Variants in WNT5A observed in about 807,000 individuals in gnomAD.
WNT5A encodes protein Wnt-5a.
In WNT5A, 9 loss-of-function variants were observed where a neutral mutation model predicts 42.1. The ratio of observed to expected loss-of-function variants is 0.21; its 90% CI spans 0.13 to 0.37. WNT5A has a LOEUF of 0.37. Ranked by LOEUF, WNT5A falls within the 10% of genes least tolerant of loss-of-function variation. The probability of loss-of-function intolerance (pLI) is 1.00; values close to 1 mark genes in which losing one functional copy is unlikely to be tolerated. For synonymous variants in WNT5A, 210 were observed against 210.0 expected (o/e 1.00, Z 0.00); for missense variants, 426 against 534.0 (o/e 0.80, Z 1.99).
chr3:55,500,703 T>C, the WNT5A span, among the ~76,000 whole-genome samples: 1 of 152,230 alleles, frequency 6.6e-6, no homozygotes, highest in African/African-American at 2.4e-5. Context: ...CATGAAATCA[T>C]AGTTACTTCC....
chr3:55,482,274 C>T (rs1559557948), intron 1 of WNT5A, among the ~76,000 whole-genome samples: 1 of 152,216 alleles, frequency 6.6e-6, no homozygotes, highest in East Asian at 1.9e-4. Flanking sequence ...GCTTCCGCTG[C>T]CGTTCCTCCC....
At chr3:55,475,722 T>A (rs675575) in intron 3 of WNT5A, among the ~76,000 whole-genome samples, 80,593 of 152,036 alleles carry the variant, frequency 0.53, 22,036 homozygotes, top group African/African-American at 0.66. Flanking sequence ...GGGAGAAGTT[T>A]TCTTCTTCCC....
upstream of WNT5A, among the ~76,000 whole-genome samples, chr3:55,492,086 G>A (rs774739472): frequency 1.3e-5 from 2 of 152,166 alleles, no homozygotes; most frequent in Non-Finnish European, 2.9e-5. Context: ...CACTCACTAT[G>A]CCCTCCTAAC....
At chr3:55,497,888 G>A in the WNT5A span, among the ~76,000 whole-genome samples, 1 of 152,188 alleles carries the variant, frequency 6.6e-6, no homozygotes, top group Non-Finnish European at 1.5e-5. Context: ...GAATTAGGAA[G>A]AAAGAAAGGT....
chr3:55,486,999 G>C lies in WNT5A; in HGVS notation c.-14C>G, dbSNP rs781134677. On this transcript the variant is annotated 5_prime_UTR_variant, in exon 1 of 5. Coordinates refer to ENST00000264634, the MANE Select transcript of WNT5A (RefSeq NM_003392.7). Reference sequence around the variant, plus strand: ...ACCTACCTTCATGGCGAGGGGGAGGGGGCGCGGGGAGGAAGTCGCCACCCG... The same window carrying C: ...ACCTACCTTCATGGCGAGGGGGAGGCGGCGCGGGGAGGAAGTCGCCACCCG... 6.2e-7 allele frequency: 1 copy of C among 1,611,608 alleles called. No individual in the cohort carries two copies. Among genetic ancestry groups the C allele is most frequent in the Non-Finnish European group, 8.5e-7 (1 of 1,178,864 alleles).
upstream of WNT5A, chr3:55,488,005 G>C (rs997956723): frequency 3.3e-5 from 5 of 152,258 alleles, no homozygotes; most frequent in Non-Finnish European, 4.4e-5. Flanking sequence ...AGGGCGAAGA[G>C]CAGCGAGTGC....
rs761899029 is a variant in WNT5A at position 55,487,008 on chromosome 3, G to A, written c.-23C>T. ...CATGGCGAGGGGGAGGGGGCGCGGG[G>A]AGGAAGTCGCCACCCGAGCGAGCGC... On this transcript the variant is annotated 5_prime_UTR_variant, in exon 1 of 5. Transcript: ENST00000264634. The A allele has an allele frequency of 3.0e-5, 49 of 1,610,620 alleles. No homozygotes were observed. The South Asian group carries it at 4.6e-4, about 15-fold the overall frequency.
At chr3:55,488,955 T>C (rs866957777), upstream of WNT5A, among the ~76,000 whole-genome samples, 1 of 152,090 alleles carries the variant, frequency 6.6e-6, no homozygotes, top group African/African-American at 2.4e-5. Flanking sequence ...CCCAGAGTAG[T>C]AGGGACTTGG....
chr3:55,486,463 G>A (rs981643304), intron 1 of WNT5A, among the ~76,000 whole-genome samples: 12 of 152,364 alleles, frequency 7.9e-5, no homozygotes, highest in Non-Finnish European at 1.5e-4. Flanking sequence ...GTGCGGGGGG[G>A]TGTCGGGGAA....
chr3:55,504,625 C>T, the WNT5A span, among the ~76,000 whole-genome samples: 25,824 of 152,074 alleles, frequency 0.17, 2,369 homozygotes, highest in Non-Finnish European at 0.19. Flanking sequence ...CCACCATACC[C>T]GGCTCATTTT....
chr3:55,477,942 A>G (rs1019838737), intron 3 of WNT5A, among the ~76,000 whole-genome samples: 23 of 152,154 alleles, frequency 1.5e-4, no homozygotes, highest in Admixed American at 3.9e-4. Context: ...AAGAAGGGGG[A>G]AAAGTTACCA....
chr3:55,504,694 C>T, the WNT5A span, among the ~76,000 whole-genome samples: 1 of 152,162 alleles, frequency 6.6e-6, no homozygotes, highest in African/African-American at 2.4e-5. Flanking sequence ...AAACTCCCAA[C>T]CTCAGGTGAT....
chr3:55,481,406 C>A (rs914619040), intron 1 of WNT5A: 2 of 985,320 alleles, frequency 2.0e-6, no homozygotes, highest in Non-Finnish European at 2.4e-6. Context: ...AGCGCGCTGC[C>A]GCCAGAGGCT....
chr3:55,500,758 A>C, the WNT5A span, among the ~76,000 whole-genome samples: 13 of 152,366 alleles, frequency 8.5e-5, no homozygotes, highest in East Asian at 2.5e-3. Flanking sequence ...AGCCTGGTTT[A>C]CCACAGGAGT....
rs1300474110 is a variant in WNT5A, at chr3:55,483,856, GAA to G, written c.7-2940_7-2939del. On this transcript the variant is annotated intron_variant, in intron 1 of 4. Coordinates refer to ENST00000264634, the MANE Select transcript of WNT5A (RefSeq NM_003392.7). The surrounding 1 kb of genome is among the most constrained non-coding windows in gnomAD (Gnocchi z 4.2). ...AGGCGTGATGAGGGATGAGGGAGAG[GAA>G]ACCTCAGTAGCAAAATTGTTCAGAG... Among the ~76,000 whole-genome samples, 1 of 152,158 alleles carries G rather than the reference GAA, an allele frequency of 6.6e-6. No individual in the cohort carries two copies. Among genetic ancestry groups the G allele is most frequent in the Non-Finnish European group, 1.5e-5 (1 of 68,036 alleles).
intron 3 of WNT5A, among the ~76,000 whole-genome samples, chr3:55,475,548 C>T (rs2051341380): frequency 6.6e-6 from 1 of 152,142 alleles, no homozygotes; most frequent in Non-Finnish European, 1.5e-5. Context: ...GCTCATTGGC[C>T]TGATACTTCT....
Position 55,486,028 on chromosome 3 carries a change from T to C in WNT5A, c.6+952A>G, listed in dbSNP as rs138302904. ...AAAAATTGTTTAGAAAATAAAAACTTATGTTGCAGGAAGAAACGTTAACTT... is the reference window on the plus strand; with the variant it reads ...AAAAATTGTTTAGAAAATAAAAACTCATGTTGCAGGAAGAAACGTTAACTT... On this transcript the variant is annotated intron_variant, in intron 1 of 4. Transcript: ENST00000264634. Among the ~76,000 whole-genome samples, 662 of 152,278 alleles carry C rather than the reference T, an allele frequency of 4.3e-3. 5 individuals are homozygous for C. Among genetic ancestry groups the C allele is most frequent in the African/African-American group, 0.015 (632 of 41,550 alleles).
chr3:55,489,487 T>C (rs1192125233), upstream of WNT5A, among the ~76,000 whole-genome samples: 4 of 151,898 alleles, frequency 2.6e-5, no homozygotes, highest in African/African-American at 9.7e-5. Flanking sequence ...GCGATGCCGT[T>C]CCACCCTCCA....
chr3:55,501,194 C>G, the WNT5A span, among the ~76,000 whole-genome samples: 2 of 152,338 alleles, frequency 1.3e-5, no homozygotes, highest in East Asian at 3.9e-4. Flanking sequence ...CTGGCTACCA[C>G]TATGTGCTAA....
Sources: allele counts gnomAD v4.1 joint callset (sites outside exome capture counted in the v4.1 genomes callset), GRCh38; gene constraint gnomAD v4.1.1; non-coding constraint Gnocchi (gnomAD v3.1); transcripts MANE v1.5; gene names NCBI Gene and HGNC (gene_info 2026-07-23, HGNC 2026-07-21).